RSU1: variants seen among roughly 807,000 people sequenced by gnomAD.
RSU1 encodes the protein Ras suppressor protein 1.
RSU1 carries 26 observed loss-of-function variants against 31.1 expected under a neutral mutation model. That is an observed-to-expected ratio of 0.84 (90% CI 0.61 to 1.16). The LOEUF is 1.16. Ranked by LOEUF, RSU1 falls within the 50% of genes most tolerant of loss-of-function variation. RSU1 has a pLI of 0.00. For synonymous variants in RSU1, 164 were observed against 136.3 expected, an observed-to-expected ratio of 1.20 and a Z score of -1.41; for missense variants, 320 against 339.1, an observed-to-expected ratio of 0.94 and a Z score of 0.44.
At chr10:16,616,449 A>G (rs1390824597) in intron 8 of RSU1, among the ~76,000 whole-genome samples, 2 of 151,964 alleles carry the variant, frequency 1.3e-5, no homozygotes, top group African/African-American at 2.4e-5. Context: ...AAAAGAGCTA[A>G]TATCATTCCT....
chr10:16,732,054 G>A (rs7094922), intron 7 of RSU1, among the ~76,000 whole-genome samples: 5,626 of 152,220 alleles, frequency 0.037, 364 homozygotes, highest in African/African-American at 0.13. Context: ...TACAGTATCA[G>A]TAGCTTCCAC....
chr10:16,670,882 A>T lies in RSU1; in HGVS notation c.731+24141T>A, dbSNP rs553103693. On this transcript the variant is annotated intron_variant, in intron 8 of 8. Coordinates refer to ENST00000345264, the MANE Select transcript of RSU1 (RefSeq NM_012425.4). ...CAGGTTCAAGTGATTCTCCTGCTCC[A>T]GCCTCCCCAGTAGCTGGGATTACAG... Among the ~76,000 whole-genome samples the T allele has an allele frequency of 3.3e-5, 5 of 152,218 alleles. No individual in the cohort carries two copies. The South Asian group carries it at 1.0e-3, about 32-fold the overall frequency.
intron 7 of RSU1, among the ~76,000 whole-genome samples, chr10:16,707,188 A>C (rs1214312682): frequency 6.6e-6 from 1 of 152,242 alleles, no homozygotes; most frequent in Non-Finnish European, 1.5e-5. Context: ...TATTGTAAAC[A>C]GTGCTGCAAT....
intron 8 of RSU1, among the ~76,000 whole-genome samples, chr10:16,672,823 C>A (rs907705025): frequency 2.6e-5 from 4 of 152,126 alleles, no homozygotes; most frequent in Admixed American, 2.6e-4. Context: ...GATTGTTTTA[C>A]AGATGTATAT....
chr10:16,649,918 T>C (rs1318921692), intron 8 of RSU1, among the ~76,000 whole-genome samples: 1 of 152,246 alleles, frequency 6.6e-6, no homozygotes, highest in East Asian at 1.9e-4. Context: ...CTAGGACTTT[T>C]GTTTAAAACC....
chr10:16,812,191 C>T (rs1172301207), intron 2 of RSU1, among the ~76,000 whole-genome samples: 1 of 152,200 alleles, frequency 6.6e-6, no homozygotes, highest in Non-Finnish European at 1.5e-5. Context: ...CCTGTAATCC[C>T]AGAACTTTGG....
At chr10:16,815,824 T>G (rs1185443365) in intron 2 of RSU1, among the ~76,000 whole-genome samples, 1 of 152,128 alleles carries the variant, frequency 6.6e-6, no homozygotes, top group African/African-American at 2.4e-5. Context: ...AGCTGACTCT[T>G]AGAAGTAAAA....
chr10:16,724,657 AAGG>A (rs1836347725), intron 7 of RSU1, among the ~76,000 whole-genome samples: 1 of 152,164 alleles, frequency 6.6e-6, no homozygotes, highest in South Asian at 2.1e-4. Flanking sequence ...ACTGTCCGAG[AAGG>A]AGGTGACAGG....
intron 3 of RSU1, among the ~76,000 whole-genome samples, chr10:16,768,801 C>T (rs1475672766): frequency 6.6e-6 from 1 of 152,208 alleles, no homozygotes; most frequent in African/African-American, 2.4e-5. Context: ...TCCCATCTCC[C>T]CCAGCAGTTT....
At chr10:16,719,793 C>T (rs1279756304) in intron 7 of RSU1, among the ~76,000 whole-genome samples, 4 of 152,160 alleles carry the variant, frequency 2.6e-5, no homozygotes, top group Admixed American at 6.5e-5. Flanking sequence ...CACATCCCAC[C>T]GTTTCCTTAC....
chr10:16,816,258 G>T (rs1838528076), intron 2 of RSU1, among the ~76,000 whole-genome samples: 1 of 152,176 alleles, frequency 6.6e-6, no homozygotes, highest in Non-Finnish European at 1.5e-5. Context: ...TGAGTAGCAG[G>T]TGCAGCAGCT....
chr10:16,685,236 C>G (rs1008070468), intron 8 of RSU1, among the ~76,000 whole-genome samples: 1 of 152,056 alleles, frequency 6.6e-6, no homozygotes, highest in Non-Finnish European at 1.5e-5. Context: ...GGCAACAGAG[C>G]GGGACTCCGT....
At chr10:16,726,502 T>C (rs953763085) in intron 7 of RSU1, among the ~76,000 whole-genome samples, 2 of 152,068 alleles carry the variant, frequency 1.3e-5, no homozygotes, top group African/African-American at 4.8e-5. Context: ...CTTGACCTCG[T>C]GATCCACCCA....
At chr10:16,806,995 T>G (rs1256746024) in intron 2 of RSU1, among the ~76,000 whole-genome samples, 3 of 152,148 alleles carry the variant, frequency 2.0e-5, no homozygotes, top group Admixed American at 2.0e-4. Flanking sequence ...CTCACTCAGG[T>G]GACCCACCCA....
At chr10:16,724,901 T>C (rs1304066850) in intron 7 of RSU1, among the ~76,000 whole-genome samples, 1 of 152,130 alleles carries the variant, frequency 6.6e-6, no homozygotes, top group Non-Finnish European at 1.5e-5. Flanking sequence ...AGAAGCAATG[T>C]TGAGTGAAAG....
In RSU1 at chr10:16,695,157, T is replaced by TGGGGA; in HGVS notation, c.599-3_599-2insTCCCC. The TGGGGA allele has an allele frequency of 8.3e-7, 1 of 1,202,572 alleles. No individual in the cohort carries two copies. Among genetic ancestry groups the TGGGGA allele is most frequent in the Non-Finnish European group, 1.1e-6 (1 of 890,704 alleles). 74.5% of individuals were successfully genotyped at this position (1,202,572 alleles called of 1,614,324 possible). On this transcript the variant is annotated splice_polypyrimidine_tract_variant and splice_region_variant and intron_variant, in intron 7 of 8. Coordinates refer to ENST00000345264, the MANE Select transcript of RSU1 (RefSeq NM_012425.4). ...TCTGGCCAGTTAAATCCAAGTTTCC[T>TGGGGA]GGGGGGGGGGAAAAAAAAAGTGAAG... is the stretch of plus-strand genomic sequence containing the variant.
intron 8 of RSU1, among the ~76,000 whole-genome samples, chr10:16,640,407 C>A (rs188622086): frequency 2.1e-4 from 32 of 152,284 alleles, no homozygotes; most frequent in Admixed American, 1.6e-3. Context: ...AATAGCCTAG[C>A]AACCGGCCTC....
At chr10:16,593,550 C>A in intron 8 of RSU1, 54 bp from the exon 9 acceptor site, 1 of 1,355,684 alleles carries the variant, frequency 7.4e-7, no homozygotes, top group South Asian at 1.2e-5. Flanking sequence ...CACAAGATAG[C>A]TTTCACTGGA....
chr10:16,624,664 G>A (rs1834125618), intron 8 of RSU1, among the ~76,000 whole-genome samples: 5 of 152,144 alleles, frequency 3.3e-5, no homozygotes, highest in Admixed American at 2.0e-4. Context: ...ATAGTGTTGT[G>A]AAAATGCTTT....
Sources: gnomAD v4.1 joint callset for allele counts (sites outside exome capture counted in the v4.1 genomes callset) on GRCh38, gnomAD v4.1.1 for gene constraint, MANE v1.5 for transcripts, NCBI Gene and HGNC (gene_info 2026-07-23, HGNC 2026-07-21) for gene names.